ANK2: variants seen among roughly 807,000 people sequenced by gnomAD.
ANK2 encodes the protein ankyrin 2, also known as ankyrin-2.
A neutral mutation model predicts 360.5 loss-of-function variants in ANK2; 83 were observed. That is an observed-to-expected ratio of 0.23 (90% CI 0.19 to 0.28). The LOEUF (loss-of-function observed/expected upper bound fraction) is 0.28. Ranked by LOEUF, ANK2 falls within the 10% of genes least tolerant of loss-of-function variation. The pLI is 1.00. For missense variants in ANK2, 4,201 were observed against 4,795.7 expected (o/e 0.88, Z 3.66); for synonymous variants, 1,740 against 1,759.5 (o/e 0.99, Z 0.28).
chr4:112,804,321 A>G, the ANK2 span, among the ~76,000 whole-genome samples: 3 of 152,118 alleles, frequency 2.0e-5, no homozygotes, highest in Non-Finnish European at 4.4e-5. Context: ...TGCCCGGCCA[A>G]TCTCACAGTT....
intron 4 of ANK2, among the ~76,000 whole-genome samples, chr4:113,204,409 G>A (rs1264500371): frequency 6.6e-6 from 1 of 152,148 alleles, no homozygotes; most frequent in African/African-American, 2.4e-5. Context: ...AGGGCTAGAA[G>A]TTCTCATGAG....
At chr4:113,379,371 G>A (rs2097087348) in intron 45 of ANK2, among the ~76,000 whole-genome samples, 1 of 152,182 alleles carries the variant, frequency 6.6e-6, no homozygotes. Context: ...TCCACAGCTA[G>A]TTAGTTATGG....
chr4:113,249,909 C>T (rs769416860), intron 10 of ANK2, 47 bp downstream of exon 10: 3 of 1,506,768 alleles, frequency 2.0e-6, no homozygotes, highest in Admixed American at 1.8e-5. Flanking sequence ...CTTTAAGTTA[C>T]TTGATGTATT....
Position 113,358,078 on chromosome 4 carries a change from G to A in ANK2, c.9460G>A (p.Ala3154Thr). Residue 3154 changes from alanine (A) to threonine (T), a missense_variant, in exon 38 of 46, where the codon GCT becomes ACT. Ala to Thr is a moderately conservative substitution (Grantham distance 58). This residue lies in a region of ANK2 where 2,642 missense variants were observed against 2,714.5 expected (regional missense o/e 0.97). Coordinates refer to ENST00000357077, the MANE Select transcript of ANK2 (RefSeq NM_001148.6). ...SEDVKEGATGADPLPLETSAE... is the reference protein window; with the variant it reads ...SEDVKEGATGTDPLPLETSAE... ...AGATGTGAAAGAAGGGGCTACTGGGGCTGATCCCCTACCGCTGGAGACATC... is the reference window on the plus strand; with the variant it reads ...AGATGTGAAAGAAGGGGCTACTGGGACTGATCCCCTACCGCTGGAGACATC... The A allele has an allele frequency of 6.2e-7, 1 of 1,614,054 alleles. No individual in the cohort carries two copies. The highest frequency in any genetic ancestry group is 2.2e-5 in the East Asian group (1 of 44,870).
chr4:113,219,825 T>C (rs1036041384), intron 4 of ANK2, among the ~76,000 whole-genome samples: 36 of 152,320 alleles, frequency 2.4e-4, no homozygotes, highest in Middle Eastern at 3.4e-3. Flanking sequence ...TATAAACTAA[T>C]GGCAGTGGTA....
intron 1 of ANK2, among the ~76,000 whole-genome samples, chr4:113,111,267 G>A (rs1454693581): frequency 6.6e-6 from 1 of 152,124 alleles, no homozygotes; most frequent in Non-Finnish European, 1.5e-5. Context: ...GACACATCTA[G>A]TTGACACTGT....
At chr4:113,340,630 G>A (rs916393123) in intron 32 of ANK2, among the ~76,000 whole-genome samples, 1 of 152,116 alleles carries the variant, frequency 6.6e-6, no homozygotes, top group African/African-American at 2.4e-5. Context: ...CAGAGAGGTC[G>A]AGGCTGCAGT....
intron 13 of ANK2, 151 bp from the exon 14 acceptor site, chr4:113,264,746 C>T: frequency 1.5e-6 from 1 of 683,348 alleles, no homozygotes; most frequent in Non-Finnish European, 2.4e-6. Context: ...AGATACAAAT[C>T]TATATTTTCC....
At chr4:113,265,959 C>G (rs982611708) in intron 14 of ANK2, among the ~76,000 whole-genome samples, 1 of 152,128 alleles carries the variant, frequency 6.6e-6, no homozygotes, top group African/African-American at 2.4e-5. Flanking sequence ...TCAAGTCTTT[C>G]TTTAAATTAT....
At chr4:113,134,915 C>G (rs538515689) in intron 1 of ANK2, among the ~76,000 whole-genome samples, 1 of 152,124 alleles carries the variant, frequency 6.6e-6, no homozygotes, top group African/African-American at 2.4e-5. Flanking sequence ...ATTGGAAATT[C>G]TAATTTTAGA....
chr4:113,258,714 G>C (rs1021094508), intron 13 of ANK2, among the ~76,000 whole-genome samples: 1 of 152,148 alleles, frequency 6.6e-6, no homozygotes, highest in Non-Finnish European at 1.5e-5. Flanking sequence ...CATTTTAAAA[G>C]CTCCTCTGCA....
chr4:112,986,764 G>C lies in ANK2; in HGVS notation c.21+82250G>C, dbSNP rs116020350. On this transcript the variant is annotated intron_variant, in intron 2 of 30. Transcript: ENST00000503271. ...ATGGGGAAAAATTGCTAGAGAAATAGCATAATAGGTAATGGAGTAGGGGTA... is the reference window on the plus strand; with the variant it reads ...ATGGGGAAAAATTGCTAGAGAAATACCATAATAGGTAATGGAGTAGGGGTA... Among the ~76,000 whole-genome samples the C allele has an allele frequency of 6.3e-3, 955 of 152,292 alleles. 5 individuals are homozygous for C. Among genetic ancestry groups the C allele is most frequent in the African/African-American group, 0.022 (913 of 41,548 alleles).
intron 2 of ANK2, among the ~76,000 whole-genome samples, 189 bp from the exon 3 acceptor site, chr4:113,196,179 T>C (rs2098744749): frequency 1.3e-5 from 2 of 152,212 alleles, no homozygotes; most frequent in Non-Finnish European, 2.9e-5. Flanking sequence ...CTTACCTTAT[T>C]GCCTCTCTGA....
chr4:112,900,075 G>A (rs2082857022), intron 1 of ANK2, among the ~76,000 whole-genome samples: 1 of 152,056 alleles, frequency 6.6e-6, no homozygotes, highest in South Asian at 2.1e-4. Flanking sequence ...AATATAAGGT[G>A]TCTCATGTAT....
At chr4:113,110,457 C>G (rs1170015625) in intron 1 of ANK2, among the ~76,000 whole-genome samples, 1 of 152,018 alleles carries the variant, frequency 6.6e-6, no homozygotes, top group South Asian at 2.1e-4. Flanking sequence ...TTTAGTTAAA[C>G]AACAGGTGCA....
the ANK2 span, chr4:112,788,579 G>T: frequency 1.3e-6 from 2 of 1,585,732 alleles, no homozygotes; most frequent in South Asian, 1.1e-5. Context: ...GTCTGTACTT[G>T]TGGGCCAGCT....
intron 2 of ANK2, among the ~76,000 whole-genome samples, chr4:112,937,085 C>G (rs4404544): frequency 6.6e-6 from 1 of 151,970 alleles, no homozygotes; most frequent in Non-Finnish European, 1.5e-5. Flanking sequence ...AGCCATCACG[C>G]CTGGCCTACT....
At chr4:112,891,569 A>C (rs2080039996) in intron 1 of ANK2, among the ~76,000 whole-genome samples, 1 of 152,218 alleles carries the variant, frequency 6.6e-6, no homozygotes, top group Non-Finnish European at 1.5e-5. Context: ...TAGAAGTAGC[A>C]GCTCTGGAGG....
chr4:113,333,014 A>G lies in ANK2; in HGVS notation c.3225-40A>G, dbSNP rs776496169. On this transcript the variant is annotated intron_variant, in intron 28 of 45. Coordinates refer to ENST00000357077, the MANE Select transcript of ANK2 (RefSeq NM_001148.6). ...CGAGGTGCTTGTCTTGCTGTTAGTT[A>G]GCTCCTGTCCACACTGAATGTTCTG... The G allele has an allele frequency of 1.9e-6, 3 of 1,613,802 alleles. No homozygotes were observed. The Admixed American group carries it at 5.0e-5, about 27-fold the overall frequency.
Sources: allele counts gnomAD v4.1 joint callset (sites outside exome capture counted in the v4.1 genomes callset), GRCh38; gene constraint gnomAD v4.1.1; regional missense constraint gnomAD v4.1.1; transcripts MANE v1.5; gene names NCBI Gene and HGNC (gene_info 2026-07-23, HGNC 2026-07-21).